DENND2B: variants seen among roughly 807,000 people sequenced by gnomAD.
DENND2B encodes the protein DENN domain-containing protein 2B.
A neutral mutation model predicts 116.0 loss-of-function variants in DENND2B; 32 were observed. That is an observed-to-expected ratio of 0.28 (90% CI 0.21 to 0.37). The LOEUF (loss-of-function observed/expected upper bound fraction) is 0.37, where lower values mean the gene tolerates loss of function less well. DENND2B is among the 10% of genes least tolerant of loss of function. The pLI is 1.00. For missense variants in DENND2B, 1,276 were observed against 1,477.7 expected, an observed-to-expected ratio of 0.86 and a Z score of 2.24; for synonymous variants, 588 against 583.9, an observed-to-expected ratio of 1.01 and a Z score of -0.10.
intron 4 of DENND2B, among the ~76,000 whole-genome samples, chr11:8,825,494 C>A (rs10769966): frequency 0.44 from 67,451 of 151,782 alleles, 15,817 homozygotes; most frequent in East Asian, 0.6. Context: ...ATTTTTGCAT[C>A]TATGTTCATC....
intron 1 of DENND2B, among the ~76,000 whole-genome samples, chr11:8,905,452 G>GA (rs1249466874): frequency 6.6e-6 from 1 of 151,888 alleles, no homozygotes; most frequent in African/African-American, 2.4e-5. Flanking sequence ...AGGAAACATA[G>GA]AAAAAATCTT....
Position 8,730,195 on chromosome 11 carries a change from A to G in DENND2B, c.1095T>C (p.Pro365=), listed in dbSNP as rs1443254860. 2 of 1,613,590 alleles carry G rather than the reference A, an allele frequency of 1.2e-6. No individual in the cohort carries two copies. The highest frequency in any genetic ancestry group is 2.7e-5 in the African/African-American group (2 of 74,932). Reference sequence around the variant, plus strand: ...GCCGCTGGGAGCTAGGGCTATTTCCAGGGGTCCCGGGCTTAGTGGAACCAC... The same window carrying G: ...GCCGCTGGGAGCTAGGGCTATTTCCGGGGGTCCCGGGCTTAGTGGAACCAC... ...EGSGSTKPGT[P]GNSPSSQRLP... The change falls in exon 3 of 20, where the codon CCT becomes CCC. Residue 365 remains proline (P), a synonymous_variant. Coordinates refer to ENST00000313726, the MANE Select transcript of DENND2B (RefSeq NM_213618.2). This position sits in a 1 kb window ranked among gnomAD's most constrained non-coding sequence, Gnocchi z 4.1.
At chr11:8,742,137 T>A (rs2050333864) in intron 2 of DENND2B, among the ~76,000 whole-genome samples, 1 of 152,164 alleles carries the variant, frequency 6.6e-6, no homozygotes, top group South Asian at 2.1e-4. Flanking sequence ...TGGGCTCAAG[T>A]GATCCTTATG....
At chr11:8,708,355 CAA>C (rs2042979322) in intron 11 of DENND2B, 5 of 984,480 alleles carry the variant, frequency 5.1e-6, no homozygotes, top group Non-Finnish European at 6.0e-6. Flanking sequence ...AAACTGAAAA[CAA>C]GAGATGGGAG....
chr11:8,847,991 G>A (rs2062870904), intron 3 of DENND2B, among the ~76,000 whole-genome samples: 1 of 152,118 alleles, frequency 6.6e-6, no homozygotes, highest in African/African-American at 2.4e-5. Flanking sequence ...GATTTGCTCT[G>A]AGTACAAAAG....
intron 1 of DENND2B, among the ~76,000 whole-genome samples, chr11:8,882,641 A>G (rs1409740896): frequency 6.6e-6 from 1 of 152,222 alleles, no homozygotes; most frequent in Non-Finnish European, 1.5e-5. Flanking sequence ...CCCACTAGAA[A>G]AATATTATGT....
intron 2 of DENND2B, among the ~76,000 whole-genome samples, chr11:8,862,362 C>A (rs2063425368): frequency 8.5e-6 from 1 of 117,198 alleles, no homozygotes; most frequent in Non-Finnish European, 1.6e-5. Flanking sequence ...CAGGGTCTCA[C>A]TCTGTCATCC....
chr11:8,790,593 G>GC (rs575519226), intron 1 of DENND2B, among the ~76,000 whole-genome samples: 96 of 152,138 alleles, frequency 6.3e-4, no homozygotes, highest in African/African-American at 2.2e-3. Flanking sequence ...ACACGGCAAG[G>GC]CCCCATCTCT....
chr11:8,696,265 G>T (rs1487050676), intron 18 of DENND2B, among the ~76,000 whole-genome samples, 162 bp downstream of exon 18: 1 of 152,208 alleles, frequency 6.6e-6, no homozygotes, highest in Non-Finnish European at 1.5e-5. Context: ...ATTTACTGGG[G>T]CCGGAGGAGA....
At chr11:8,750,579 A>T (rs759623023) in intron 2 of DENND2B, 42 bp downstream of exon 2, 1 of 1,550,006 alleles carries the variant, frequency 6.5e-7, no homozygotes, top group Admixed American at 1.7e-5. Context: ...CCCAGGACCT[A>T]GGTCCCTTGA....
chr11:8,892,275 C>A (rs1347980036), intron 1 of DENND2B, among the ~76,000 whole-genome samples: 3 of 152,060 alleles, frequency 2.0e-5, no homozygotes, highest in African/African-American at 7.2e-5. Flanking sequence ...ACTAAATGCC[C>A]ACAAGAGAAA....
chr11:8,770,515 AG>A (rs1376594563), intron 1 of DENND2B, among the ~76,000 whole-genome samples: 1 of 152,182 alleles, frequency 6.6e-6, no homozygotes, highest in Non-Finnish European at 1.5e-5. Context: ...CATTATTAAC[AG>A]TATAATCACC....
intron 14 of DENND2B, among the ~76,000 whole-genome samples, chr11:8,701,477 C>G (rs1028465089): frequency 6.6e-6 from 1 of 151,990 alleles, no homozygotes; most frequent in African/African-American, 2.4e-5. Flanking sequence ...CTTGGGGTTC[C>G]CTCTCTCGGC....
chr11:8,727,727 G>C (rs1488427656), intron 3 of DENND2B, among the ~76,000 whole-genome samples: 1 of 152,160 alleles, frequency 6.6e-6, no homozygotes, highest in Admixed American at 6.5e-5. Context: ...TAGTGTGAGA[G>C]CAAGTTTTCT....
chr11:8,843,421 T>C (rs1013941678), intron 3 of DENND2B, among the ~76,000 whole-genome samples: 2 of 152,166 alleles, frequency 1.3e-5, no homozygotes, highest in Non-Finnish European at 2.9e-5. Flanking sequence ...GTACAAAACC[T>C]GCAAGAGGAA....
chr11:8,783,046 C>CTTTTTTT (rs35035048), intron 1 of DENND2B, among the ~76,000 whole-genome samples: 1 of 119,024 alleles, frequency 8.4e-6, no homozygotes, highest in Non-Finnish European at 1.7e-5. Flanking sequence ...CACCACTTAC[C>CTTTTTTT]TTTTTTTTTT....
At chr11:8,726,286 A>T in intron 3 of DENND2B, 77 bp from the exon 4 acceptor site, 1 of 1,529,842 alleles carries the variant, frequency 6.5e-7, no homozygotes, top group Non-Finnish European at 8.8e-7. Flanking sequence ...CCATGGCAAC[A>T]GCAAAGACCA....
At chr11:8,889,529 A>G (rs1305772663) in intron 1 of DENND2B, among the ~76,000 whole-genome samples, 4 of 152,230 alleles carry the variant, frequency 2.6e-5, no homozygotes, top group African/African-American at 9.6e-5. Flanking sequence ...CTGGAAAATC[A>G]GGTCACTCCC....
rs1274695308 is a variant in DENND2B, at chr11:8,758,855, T to C, written c.-25-8130A>G. Among the ~76,000 whole-genome samples the C allele has an allele frequency of 2.0e-5, 3 of 152,142 alleles. No homozygotes were observed. In the South Asian group the frequency reaches 6.2e-4, roughly 32 times the overall value. On this transcript the variant is annotated intron_variant, in intron 1 of 19. Coordinates refer to ENST00000313726, the MANE Select transcript of DENND2B (RefSeq NM_213618.2). ...AAGTGTCGCAGCTCTCTAGCCTGCA[T>C]CCCAGCAGGAAGGGTTAGGAGGCAC...
Sources: allele counts gnomAD v4.1 joint callset (sites outside exome capture counted in the v4.1 genomes callset), GRCh38; gene constraint gnomAD v4.1.1; non-coding constraint Gnocchi (gnomAD v3.1); transcripts MANE v1.5; gene names NCBI Gene and HGNC (gene_info 2026-07-23, HGNC 2026-07-21).